The following ALX4 variants were observed in gnomAD, a reference collection of about 807,000 sequenced individuals.
ALX4 encodes the protein ALX homeobox 4.
In ALX4, 22 loss-of-function variants were observed where a neutral mutation model predicts 40.6. That is an observed-to-expected ratio of 0.54 (90% confidence interval 0.39 to 0.77). The LOEUF (loss-of-function observed/expected upper bound fraction) is 0.77, where lower values mean the gene tolerates loss of function less well. Ranked by LOEUF, ALX4 falls within the 30% of genes least tolerant of loss-of-function variation. The probability of loss-of-function intolerance (pLI) is 0.00; values close to 1 mark genes in which losing one functional copy is unlikely to be tolerated. For synonymous variants in ALX4, 266 were observed against 240.5 expected, an observed-to-expected ratio of 1.11 and a Z score of -0.98; for missense variants, 556 against 564.8, an observed-to-expected ratio of 0.98 and a Z score of 0.16.
In ALX4 at chr11:44,309,176, A is replaced by T. The variant is rs181866179; in HGVS notation, c.466+421T>A. ...CTGTCCCGCAGCCCCGCAGCCCCGC[A>T]GCCTCGCAGCCCCGCAGCCCCGCAG... On this transcript the variant is annotated intron_variant, in intron 1 of 3. Coordinates refer to ENST00000652299, the MANE Select transcript of ALX4 (RefSeq NM_021926.4). 0.017 allele frequency among the ~76,000 whole-genome samples: 835 copies of T among 48,788 alleles called. 172 individuals carry two copies. In the South Asian group the frequency reaches 0.17, roughly 10 times the overall value. The allele number at this position is 48,788 out of a possible 152,430, so 32.0% of individuals were successfully genotyped here.
chr11:44,278,014 T>G (rs1254677980), intron 1 of ALX4, among the ~76,000 whole-genome samples: 249 of 149,326 alleles, frequency 1.7e-3, no homozygotes, highest in African/African-American at 5.7e-3. Context: ...GTTTTAGGTT[T>G]TTTTTTTTTT....
chr11:44,288,113 C>T (rs979039004), intron 1 of ALX4, among the ~76,000 whole-genome samples: 2 of 152,194 alleles, frequency 1.3e-5, no homozygotes, highest in African/African-American at 4.8e-5. Context: ...GTCTCGAACT[C>T]CTGACCTCAG....
At chr11:44,269,043 A>G (rs1956229900) in intron 2 of ALX4, among the ~76,000 whole-genome samples, 1 of 152,200 alleles carries the variant, frequency 6.6e-6, no homozygotes, top group African/African-American at 2.4e-5. Context: ...ATCACGACCA[A>G]TGCAGCTGCT....
chr11:44,309,915 C>T lies in ALX4; in HGVS notation c.148G>A (p.Ala50Thr), dbSNP rs374868143. 2.3e-5 allele frequency: 37 copies of T among 1,589,880 alleles called. No homozygotes were observed. The highest frequency in any genetic ancestry group is 3.1e-5 in the Non-Finnish European group (36 of 1,167,892). ...GDKFGTTFLSAAAKAQGFGDA... is the reference protein window; with the variant it reads ...GDKFGTTFLSTAAKAQGFGDA... ...CCGAATCCCTGTGCTTTGGCGGCGG[C>T]CGACAGGAAAGTTGTGCCGAACTTG... is the stretch of plus-strand genomic sequence containing the variant. Residue 50 changes from alanine to threonine, a missense_variant, in exon 1 of 4, where the codon GCC becomes ACC. Coordinates refer to ENST00000652299, the MANE Select transcript of ALX4 (RefSeq NM_021926.4).
chr11:44,292,731 C>G (rs1291384533), intron 1 of ALX4, among the ~76,000 whole-genome samples: 1 of 152,106 alleles, frequency 6.6e-6, no homozygotes, highest in Non-Finnish European at 1.5e-5. Context: ...AGGATTTTGC[C>G]TATCACATAT....
chr11:44,293,428 A>ATAT (rs59149772), intron 1 of ALX4, among the ~76,000 whole-genome samples: 95 of 151,172 alleles, frequency 6.3e-4, no homozygotes, highest in Non-Finnish European at 9.3e-4. Context: ...AAGAAAAAAA[A>ATAT]ATATATATAT....
At position 44,261,214 on chromosome 11, in the gene ALX4, C is replaced by A. The variant is rs1483574210; in HGVS notation, c.*3640G>T. 1 of 152,278 alleles carries A rather than the reference C, an allele frequency of 6.6e-6. No homozygotes were observed. The highest frequency in any genetic ancestry group is 1.9e-4 in the East Asian group (1 of 5,204). The allele number at this position is 152,278 out of a possible 1,614,324, so 9.4% of individuals were successfully genotyped here. A position where few individuals can be genotyped will look rare whatever the true frequency, so the allele number is the denominator to read the frequency against. Reference sequence around the variant, plus strand: ...AGGGCCATGAAACAGACCAGGAACCCCCGCGTGTCTTTCAGGTTCTCGAAG... The same window carrying A: ...AGGGCCATGAAACAGACCAGGAACCACCGCGTGTCTTTCAGGTTCTCGAAG... On this transcript the variant is annotated 3_prime_UTR_variant, in exon 4 of 4. Coordinates refer to ENST00000652299, the MANE Select transcript of ALX4 (RefSeq NM_021926.4).
At chr11:44,274,343 T>G (rs1956265559) in intron 2 of ALX4, among the ~76,000 whole-genome samples, 1 of 151,860 alleles carries the variant, frequency 6.6e-6, no homozygotes, top group Admixed American at 6.6e-5. Flanking sequence ...TGGGTTGTGT[T>G]GTGTTGGAAG....
In ALX4 at chr11:44,267,516, G is replaced by A. The variant is rs756421390; in HGVS notation, c.884C>T (p.Thr295Ile). 3.1e-6 allele frequency: 5 copies of A among 1,614,048 alleles called. No individual in the cohort carries two copies. The African/African-American group carries it at 6.7e-5, about 22-fold the overall frequency. The change falls in exon 3 of 4, where the codon ACC (threonine) becomes ATC (isoleucine). Residue 295 changes from threonine to isoleucine, a missense_variant. Transcript: ENST00000652299. ...FSTAYELPLL[T>I]RAENYAQIQN... ...TACCTGGGCGTAGTTCTCAGCTCGG[G>A]TGAGGAGGGGCAGCTCATATGCAGT...
chr11:44,267,740 C>T (rs556658196), intron 2 of ALX4, 118 bp from the exon 3 acceptor site: 44 of 1,331,602 alleles, frequency 3.3e-5, no homozygotes, highest in Admixed American at 1.7e-4. Context: ...GTTTGGGAAA[C>T]GGTGCGGCCA....
intron 1 of ALX4, among the ~76,000 whole-genome samples, chr11:44,280,125 C>A (rs1590693838): frequency 6.6e-6 from 1 of 152,192 alleles, no homozygotes; most frequent in East Asian, 1.9e-4. Flanking sequence ...ATGACGAATG[C>A]CACCATTCAA....
At chr11:44,288,140 G>A (rs1339083390) in intron 1 of ALX4, among the ~76,000 whole-genome samples, 2 of 152,044 alleles carry the variant, frequency 1.3e-5, no homozygotes, top group East Asian at 1.9e-4. Context: ...CACCTTCCTC[G>A]ACCTCCCAAA....
intron 2 of ALX4, among the ~76,000 whole-genome samples, chr11:44,271,268 A>T (rs3861063): frequency 0.13 from 20,540 of 152,208 alleles, 2,588 homozygotes; most frequent in East Asian, 0.5. Context: ...ACAATCTGGC[A>T]TGTGTCCTTG....
intron 3 of ALX4, among the ~76,000 whole-genome samples, chr11:44,266,232 G>C (rs1956213142): frequency 6.6e-6 from 1 of 152,166 alleles, no homozygotes; most frequent in Non-Finnish European, 1.5e-5. Flanking sequence ...TAGGTGAGGT[G>C]GGGGTAGGAG....
chr11:44,268,447 T>C (rs1956225890), intron 2 of ALX4, among the ~76,000 whole-genome samples: 4 of 152,014 alleles, frequency 2.6e-5, no homozygotes, highest in Non-Finnish European at 5.9e-5. Flanking sequence ...TGTAGAAGCG[T>C]GGCCTGATGG....
chr11:44,294,250 G>A (rs1034482481), intron 1 of ALX4, among the ~76,000 whole-genome samples: 2 of 152,202 alleles, frequency 1.3e-5, no homozygotes, highest in African/African-American at 4.8e-5. Flanking sequence ...GTGGCCAAGG[G>A]CAATGCCCAC....
intron 1 of ALX4, among the ~76,000 whole-genome samples, chr11:44,298,297 C>T (rs1296411287): frequency 2.6e-5 from 4 of 152,094 alleles, no homozygotes; most frequent in Non-Finnish European, 4.4e-5. Flanking sequence ...CGGGGTGGGA[C>T]GGGTGGACGG....
chr11:44,265,115 G>A lies in ALX4; in HGVS notation c.975C>T (p.Cys325=), dbSNP rs891814573. 16 of 1,611,920 alleles carry A rather than the reference G, an allele frequency of 9.9e-6. No homozygotes were observed. Among genetic ancestry groups the A allele is most frequent in the East Asian group, 2.2e-5 (1 of 44,848 alleles). The change falls in exon 4 of 4, where the codon TGC becomes TGT. Residue 325 remains cysteine, a synonymous_variant. Transcript: ENST00000652299. ...ASPVPACVVP[C]DPVPACMSPH... Reference sequence around the variant, plus strand: ...GGGACATGCAGGCAGGCACCGGGTCGCAGGGGACCACGCAGGCTGGCACTG... The same window carrying A: ...GGGACATGCAGGCAGGCACCGGGTCACAGGGGACCACGCAGGCTGGCACTG...
At chr11:44,276,043 T>G (rs1392143038) in intron 1 of ALX4, among the ~76,000 whole-genome samples, 2 of 152,150 alleles carry the variant, frequency 1.3e-5, no homozygotes, top group African/African-American at 4.8e-5. Context: ...CTGACCCCAG[T>G]GCCATGGCCT....
Sources: gnomAD v4.1 joint callset for allele counts (sites outside exome capture counted in the v4.1 genomes callset) on GRCh38, gnomAD v4.1.1 for gene constraint, MANE v1.5 for transcripts, NCBI Gene and HGNC (gene_info 2026-07-23, HGNC 2026-07-21) for gene names.